The following MDGA2 variants were observed in gnomAD, a reference collection of about 807,000 sequenced individuals.
MDGA2 encodes the protein MAM domain containing glycosylphosphatidylinositol anchor 2, also known as MAM domain-containing glycosylphosphatidylinositol anchor protein 2.
A neutral mutation model predicts 117.8 loss-of-function variants in MDGA2; 40 were observed. That is an observed-to-expected ratio of 0.34 (90% CI 0.26 to 0.44). MDGA2 has a LOEUF of 0.44. MDGA2 is among the 20% of genes least tolerant of loss of function. MDGA2 has a pLI of 1.00. For synonymous variants in MDGA2, 452 were observed against 439.0 expected (o/e 1.03, Z -0.37); for missense variants, 1,123 against 1,250.6 (o/e 0.90, Z 1.54).
At chr14:47,604,487 A>ACCCCCC (rs60602833) in intron 1 of MDGA2, among the ~76,000 whole-genome samples, 9 of 92,038 alleles carry the variant, frequency 9.8e-5, no homozygotes, top group Non-Finnish European at 1.5e-4. Context: ...CAGCTTCCCC[A>ACCCCCC]CCCCCCCCCA....
chr14:47,419,312 CT>C lies in MDGA2; in HGVS notation c.281-117763del, dbSNP rs200731312. The stretch of plus-strand genomic sequence containing the variant: ...TGAAAGAAGAATTCACAAAAGGAAG[CT>C]TTTTTTTTTGTTCTATCAGAGATTT... On this transcript the variant is annotated intron_variant, in intron 1 of 16. Transcript: ENST00000399232. 1.5e-3 allele frequency among the ~76,000 whole-genome samples: 219 copies of C among 147,196 alleles called. No individual in the cohort carries two copies. The East Asian group carries it at 0.016, about 11-fold the overall frequency.
chr14:46,962,438 C>A (rs751616655), intron 8 of MDGA2, among the ~76,000 whole-genome samples: 5 of 152,134 alleles, frequency 3.3e-5, no homozygotes, highest in Admixed American at 6.5e-5. Context: ...GATCCCTCCC[C>A]TAGTGAATAT....
At chr14:47,389,602 A>ACC (rs1444805488) in intron 1 of MDGA2, among the ~76,000 whole-genome samples, 1 of 55,846 alleles carries the variant, frequency 1.8e-5, no homozygotes, top group East Asian at 7.8e-3. Flanking sequence ...ACACACACAC[A>ACC]CACCCACACA....
At chr14:47,545,000 G>T (rs765084843) in intron 1 of MDGA2, among the ~76,000 whole-genome samples, 1 of 152,080 alleles carries the variant, frequency 6.6e-6, no homozygotes, top group Non-Finnish European at 1.5e-5. Context: ...TAAATTCTGT[G>T]CCAACCAAAA....
At chr14:46,970,742 GA>G (rs1032714141) in intron 8 of MDGA2, among the ~76,000 whole-genome samples, 3 of 152,026 alleles carry the variant, frequency 2.0e-5, no homozygotes, top group African/African-American at 7.2e-5. Flanking sequence ...GGAAACAACA[GA>G]ATGAACTGAC....
At position 47,107,035 on chromosome 14, in the gene MDGA2, C is replaced by G. The variant is rs565118550; in HGVS notation, c.926-9912G>C. The stretch of plus-strand genomic sequence containing the variant: ...TGCCACCCTTCTTCCCAAGCCAAAG[C>G]CTCCTTTGCGTCCACCTCTTCTATC... On this transcript the variant is annotated intron_variant, in intron 5 of 16. Transcript: ENST00000399232. Among the ~76,000 whole-genome samples, 8 of 122,282 alleles carry G rather than the reference C, an allele frequency of 6.5e-5. 1 individual carries two copies. In the Admixed American group the frequency reaches 6.5e-4, roughly 10 times the overall value. The allele number at this position is 122,282 out of a possible 152,430, so 80.2% of individuals were successfully genotyped here.
At chr14:47,001,434 C>T (rs1237127223) in intron 8 of MDGA2, among the ~76,000 whole-genome samples, 1 of 151,736 alleles carries the variant, frequency 6.6e-6, no homozygotes, top group Non-Finnish European at 1.5e-5. Flanking sequence ...ACCAAAACAA[C>T]CAAGAAGATA....
chr14:47,295,490 T>G (rs1889033569), intron 2 of MDGA2, among the ~76,000 whole-genome samples: 1 of 152,174 alleles, frequency 6.6e-6, no homozygotes, highest in Admixed American at 6.5e-5. Flanking sequence ...AACATTTATT[T>G]GGGTGGAGAA....
chr14:47,093,781 T>G (rs1471925459), intron 6 of MDGA2, among the ~76,000 whole-genome samples: 1 of 152,132 alleles, frequency 6.6e-6, no homozygotes, highest in Non-Finnish European at 1.5e-5. Context: ...GTTTCTTGAA[T>G]TTTATTTCTA....
chr14:47,206,433 G>GA (rs1049912021), intron 3 of MDGA2, among the ~76,000 whole-genome samples: 23 of 150,236 alleles, frequency 1.5e-4, no homozygotes, highest in African/African-American at 2.9e-4. Flanking sequence ...TGTACAGAAA[G>GA]AAAAAAAAAT....
chr14:47,276,154 C>A (rs1594767737), intron 2 of MDGA2, among the ~76,000 whole-genome samples: 2 of 152,088 alleles, frequency 1.3e-5, no homozygotes, highest in African/African-American at 4.8e-5. Context: ...TATCTTCCAG[C>A]TATTCATCTC....
chr14:47,664,730 G>T (rs777010567), intron 1 of MDGA2, among the ~76,000 whole-genome samples: 2 of 152,168 alleles, frequency 1.3e-5, no homozygotes, highest in Admixed American at 1.3e-4. Context: ...CTGTACATTC[G>T]TAAAGAACGA....
chr14:47,234,171 AAT>A (rs1207700717), intron 2 of MDGA2, among the ~76,000 whole-genome samples: 1 of 151,582 alleles, frequency 6.6e-6, no homozygotes. Flanking sequence ...TTGTCTTAAT[AAT>A]ATATGTGTGT....
intron 1 of MDGA2, among the ~76,000 whole-genome samples, chr14:47,624,226 G>A (rs1897100354): frequency 6.6e-6 from 1 of 152,194 alleles, no homozygotes; most frequent in Non-Finnish European, 1.5e-5. Flanking sequence ...GAAAGGCCGA[G>A]GCGGGCGGAT....
intron 1 of MDGA2, among the ~76,000 whole-genome samples, chr14:47,332,354 A>T (rs1328010505): frequency 1.3e-5 from 2 of 152,016 alleles, no homozygotes; most frequent in Non-Finnish European, 2.9e-5. Flanking sequence ...TTAGCACAAC[A>T]TTGGCAGAAT....
rs561733027 is a variant in MDGA2, at chr14:47,568,455, C to A, written c.280+106062G>T. ...CCAATTTTTAGCAAAAATACATCAC[C>A]AAGATAAAAGAGCATTTTCTTCACA... On this transcript the variant is annotated intron_variant, in intron 1 of 16. Coordinates refer to ENST00000399232, the MANE Select transcript of MDGA2 (RefSeq NM_001113498.3). 1.4e-4 allele frequency among the ~76,000 whole-genome samples: 21 copies of A among 152,088 alleles called. No homozygotes were observed. In the East Asian group the frequency reaches 4.1e-3, roughly 29 times the overall value.
chr14:46,960,220 CA>C (rs908905897), intron 8 of MDGA2, among the ~76,000 whole-genome samples: 84 of 147,370 alleles, frequency 5.7e-4, no homozygotes, highest in African/African-American at 1.3e-3. Context: ...GACTCTGCCT[CA>C]AAAAAAAAAT....
At chr14:47,058,909 T>C (rs761860319) in intron 7 of MDGA2, 169 of 974,506 alleles carry the variant, frequency 1.7e-4, no homozygotes, top group Non-Finnish European at 2.0e-4. Context: ...AATGCTTTGA[T>C]GTTGCCATAG....
intron 3 of MDGA2, among the ~76,000 whole-genome samples, chr14:47,180,772 T>C (rs935914844): frequency 5.3e-5 from 8 of 151,944 alleles, no homozygotes; most frequent in Non-Finnish European, 1.2e-4. Flanking sequence ...AATACAAAAA[T>C]TAGCCGGTCA....
Sources: allele counts gnomAD v4.1 joint callset (sites outside exome capture counted in the v4.1 genomes callset), GRCh38; gene constraint gnomAD v4.1.1; transcripts MANE v1.5; gene names NCBI Gene and HGNC (gene_info 2026-07-23, HGNC 2026-07-21).